Variants in DACH2 observed in about 807,000 individuals in gnomAD.
The protein encoded by DACH2 is dachshund family transcription factor 2, also known as dachshund homolog 2.
A neutral mutation model predicts 35.8 loss-of-function variants in DACH2; 17 were observed. The ratio of observed to expected loss-of-function variants is 0.48; its 90% CI spans 0.33 to 0.71. DACH2 has a LOEUF of 0.71. Among genes scored for constraint, DACH2 ranks in the 30% least tolerant of loss-of-function variants. The probability of loss-of-function intolerance (pLI) is 0.02; values close to 1 mark genes in which losing one functional copy is unlikely to be tolerated. For missense variants in DACH2, 469 were observed against 472.7 expected, an observed-to-expected ratio of 0.99 and a Z score of 0.07; for synonymous variants, 195 against 177.3, an observed-to-expected ratio of 1.10 and a Z score of -0.79.
At chrX:86,791,038 TTC>T (rs1219695332) in intron 7 of DACH2, among the ~76,000 whole-genome samples, 6 of 111,779 alleles carry the variant, frequency 5.4e-5, no homozygotes, top group African/African-American at 2.0e-4. Flanking sequence ...AGGATATATT[TTC>T]TGTTTATTAA....
At chrX:86,523,821 G>T (rs1482060378) in intron 3 of DACH2, among the ~76,000 whole-genome samples, 1 of 110,792 alleles carries the variant, frequency 9.0e-6, no homozygotes, top group Non-Finnish European at 1.9e-5. Context: ...GGAGCAATTG[G>T]GGAAGTCACA....
At chrX:86,763,710 C>G (rs2041905728) in intron 7 of DACH2, among the ~76,000 whole-genome samples, 1 of 111,381 alleles carries the variant, frequency 9.0e-6, no homozygotes, top group African/African-American at 3.3e-5. Flanking sequence ...CCTCGGCCTC[C>G]CAGAGTGATG....
intron 2 of DACH2, among the ~76,000 whole-genome samples, chrX:86,503,926 G>GA (rs1466287070): frequency 9.0e-6 from 1 of 111,529 alleles, no homozygotes; most frequent in Non-Finnish European, 1.9e-5. Flanking sequence ...GTAACTGAAA[G>GA]TGATACTGCT....
chrX:86,598,395 G>A (rs961887181), intron 3 of DACH2, among the ~76,000 whole-genome samples: 6 of 111,946 alleles, frequency 5.4e-5, no homozygotes, highest in Admixed American at 4.7e-4. Flanking sequence ...TGGTATCTGT[G>A]TTAAGCCATT....
intron 7 of DACH2, among the ~76,000 whole-genome samples, chrX:86,760,975 A>AT (rs1214288755): frequency 5.4e-5 from 6 of 110,664 alleles, no homozygotes; most frequent in Non-Finnish European, 9.5e-5. Context: ...TTTCTGTGTG[A>AT]TTTTTTTATC....
intron 3 of DACH2, among the ~76,000 whole-genome samples, chrX:86,570,452 C>T (rs1352420066): frequency 9.0e-6 from 1 of 111,159 alleles, no homozygotes; most frequent in Non-Finnish European, 1.9e-5. Context: ...ATGGATGAAG[C>T]TGGAAGGCCA....
At chrX:86,634,143 A>G (rs1242844109) in intron 3 of DACH2, among the ~76,000 whole-genome samples, 1 of 110,684 alleles carries the variant, frequency 9.0e-6, no homozygotes, top group Non-Finnish European at 1.9e-5. Context: ...CACACCTTTA[A>G]ACCATCTGAT....
intron 2 of DACH2, among the ~76,000 whole-genome samples, chrX:86,461,438 GGAA>G (rs2037571328): frequency 9.0e-6 from 1 of 111,039 alleles, no homozygotes; most frequent in Admixed American, 9.7e-5. Flanking sequence ...ACCAACGTTT[GGAA>G]GAAGAAGAAT....
intron 2 of DACH2, among the ~76,000 whole-genome samples, chrX:86,378,769 A>C (rs2036004170): frequency 9.0e-6 from 1 of 110,902 alleles, no homozygotes; most frequent in South Asian, 3.7e-4. Flanking sequence ...AGTTTGTTAT[A>C]AATGCACCTG....
intron 3 of DACH2, among the ~76,000 whole-genome samples, chrX:86,615,090 A>C (rs2148372453): frequency 9.0e-6 from 1 of 111,679 alleles, no homozygotes; most frequent in Admixed American, 9.5e-5. Context: ...CACTCTTATT[A>C]GTCTTTTCTG....
At chrX:86,605,104 A>G (rs1415585637) in intron 3 of DACH2, among the ~76,000 whole-genome samples, 3 of 112,227 alleles carry the variant, frequency 2.7e-5, no homozygotes, top group Non-Finnish European at 5.6e-5. Flanking sequence ...CTGCTGGCCT[A>G]CAGAAACTGT....
At chrX:86,616,420 G>T (rs2040004704) in intron 3 of DACH2, among the ~76,000 whole-genome samples, 1 of 111,694 alleles carries the variant, frequency 9.0e-6, no homozygotes, top group Non-Finnish European at 1.9e-5. Flanking sequence ...TTCTCCACAA[G>T]CTCACCAACA....
At chrX:86,247,844 T>G (rs188050560) in intron 1 of DACH2, among the ~76,000 whole-genome samples, 22 of 111,353 alleles carry the variant, frequency 2.0e-4, no homozygotes, top group Admixed American at 1.6e-3. Context: ...AAATCCATCA[T>G]GATCAAGTAG....
chrX:86,316,857 C>T (rs185356063), intron 1 of DACH2, among the ~76,000 whole-genome samples: 85 of 111,322 alleles, frequency 7.6e-4, no homozygotes, highest in East Asian at 5.4e-3. Context: ...CGGTGCCTCA[C>T]GCCTGTAATC....
At chrX:86,810,893 G>A (rs1291829054) in intron 7 of DACH2, among the ~76,000 whole-genome samples, 1 of 111,413 alleles carries the variant, frequency 9.0e-6, no homozygotes, top group Non-Finnish European at 1.9e-5. Flanking sequence ...TAAGAGTTTA[G>A]CGTTAATTTT....
chrX:86,680,334 G>T (rs1390907583), intron 4 of DACH2, among the ~76,000 whole-genome samples: 3 of 111,930 alleles, frequency 2.7e-5, no homozygotes, highest in African/African-American at 9.7e-5. Context: ...TCTATTGTGT[G>T]CAGGTAGTGA....
chrX:86,321,490 G>T (rs762609781), intron 1 of DACH2, among the ~76,000 whole-genome samples: 1 of 111,693 alleles, frequency 9.0e-6, no homozygotes, highest in African/African-American at 3.3e-5. Flanking sequence ...AAGAGGTTTG[G>T]TCCTAGTCCT....
intron 3 of DACH2, among the ~76,000 whole-genome samples, chrX:86,603,099 G>A (rs1180331841): frequency 9.0e-6 from 1 of 111,293 alleles, no homozygotes; most frequent in Non-Finnish European, 1.9e-5. Context: ...GGTTCCTTCT[G>A]AAGGTTGTGA....
At chrX:86,519,753 A>G (rs1381376224) in intron 3 of DACH2, among the ~76,000 whole-genome samples, 1 of 110,459 alleles carries the variant, frequency 9.1e-6, no homozygotes, top group African/African-American at 3.3e-5. Flanking sequence ...TCCCTTCATC[A>G]TCTCTAATTG....
Sources: allele counts gnomAD v4.1 joint callset (sites outside exome capture counted in the v4.1 genomes callset), GRCh38; gene constraint gnomAD v4.1.1; transcripts MANE v1.5; gene names NCBI Gene and HGNC (gene_info 2026-07-23, HGNC 2026-07-21).